Variants in NPAS3 observed in about 807,000 individuals in gnomAD.
NPAS3 encodes neuronal PAS domain protein 3, also known as neuronal PAS domain-containing protein 3.
Under a neutral mutation model 73.1 loss-of-function variants are expected in NPAS3, and 14 were observed. That is an observed-to-expected ratio of 0.19 (90% CI 0.13 to 0.30). NPAS3 has a LOEUF of 0.30. Ranked by LOEUF, NPAS3 falls within the 10% of genes least tolerant of loss-of-function variation. The probability of loss-of-function intolerance (pLI) is 1.00; values close to 1 mark genes in which losing one functional copy is unlikely to be tolerated. For synonymous variants in NPAS3, 620 were observed against 541.5 expected (o/e 1.14, Z -2.01); for missense variants, 1,096 against 1,250.0 (o/e 0.88, Z 1.86).
At chr14:33,257,716 C>T (rs902580415) in intron 3 of NPAS3, among the ~76,000 whole-genome samples, 2 of 152,146 alleles carry the variant, frequency 1.3e-5, no homozygotes, top group African/African-American at 4.8e-5. Flanking sequence ...TCACCATTAA[C>T]AGGTCACTCC....
At chr14:33,427,854 A>G (rs2048620226) in intron 4 of NPAS3, among the ~76,000 whole-genome samples, 1 of 152,074 alleles carries the variant, frequency 6.6e-6, no homozygotes, top group Non-Finnish European at 1.5e-5. Flanking sequence ...CTGTCAATAA[A>G]ATAGGTCATA....
chr14:33,778,720 A>G (rs1287366896), intron 9 of NPAS3, 148 bp downstream of exon 9: 7 of 618,630 alleles, frequency 1.1e-5, no homozygotes, highest in Non-Finnish European at 2.0e-5. Context: ...TGAGACATAA[A>G]TCATTTCAAC....
intron 2 of NPAS3, among the ~76,000 whole-genome samples, chr14:33,089,094 C>G (rs913609535): frequency 6.6e-6 from 1 of 151,596 alleles, no homozygotes; most frequent in African/African-American, 2.4e-5. Context: ...CAGAGTGCCT[C>G]TCCCCCTCCA....
chr14:33,353,231 T>C (rs17568736), intron 3 of NPAS3, among the ~76,000 whole-genome samples: 41,286 of 152,024 alleles, frequency 0.27, 5,971 homozygotes, highest in Admixed American at 0.37. Flanking sequence ...TTCTCTTTAT[T>C]GGCATAATCA....
intron 1 of NPAS3, among the ~76,000 whole-genome samples, chr14:33,020,078 A>G (rs753589398): frequency 1.8e-4 from 27 of 152,222 alleles, no homozygotes; most frequent in Admixed American, 9.8e-4. Flanking sequence ...TGTCAGTATT[A>G]TATTTTTCAA....
rs761032291 is a variant in NPAS3 at position 33,800,321 on chromosome 14, G to A, written c.2014G>A (p.Glu672Lys). Reference sequence around the variant, plus strand: ...CATCTGGAACTACCCGCCCAACCGGGAGATCTCCAGGAACGAGTCCCCCTA... The same window carrying A: ...CATCTGGAACTACCCGCCCAACCGGAAGATCTCCAGGAACGAGTCCCCCTA... The change falls in exon 12 of 12, where the codon GAG (glutamate) becomes AAG (lysine). Residue 672 changes from glutamate to lysine, a missense_variant. By Grantham distance (56) the Glu-to-Lys change is moderately conservative. This residue lies in a region of NPAS3 where 698 missense variants were observed against 676.7 expected (regional missense o/e 1.03). Transcript: ENST00000356141. The surrounding 1 kb of genome is among the most constrained non-coding windows in gnomAD (Gnocchi z 6.5). The A allele has an allele frequency of 2.5e-6, 4 of 1,613,346 alleles. No individual in the cohort carries two copies. The highest frequency in any genetic ancestry group is 1.1e-5 in the South Asian group (1 of 91,062).
At chr14:33,017,793 T>C (rs7152999) in intron 1 of NPAS3, among the ~76,000 whole-genome samples, 137,854 of 152,182 alleles carry the variant, frequency 0.91, 62,691 homozygotes, top group East Asian at 0.98. Context: ...GTGTTTTATA[T>C]GTGAAAAAAA....
intron 3 of NPAS3, among the ~76,000 whole-genome samples, chr14:33,366,633 T>C (rs561115297): frequency 2.0e-4 from 31 of 152,316 alleles, no homozygotes; most frequent in African/African-American, 7.5e-4. Context: ...CCAGCCATCT[T>C]AGGATGCTTA....
chr14:33,197,643 C>T (rs113207607), intron 2 of NPAS3, among the ~76,000 whole-genome samples: 2 of 152,308 alleles, frequency 1.3e-5, no homozygotes, highest in South Asian at 2.1e-4. Flanking sequence ...GATTCAGCTA[C>T]AGGAAAACAA....
intron 7 of NPAS3, among the ~76,000 whole-genome samples, chr14:33,737,848 A>G (rs2061561525): frequency 6.6e-6 from 1 of 152,192 alleles, no homozygotes; most frequent in South Asian, 2.1e-4. Context: ...AGAAACAGTG[A>G]TAATCATTTC....
At chr14:32,944,872 G>C (rs2036188107) in intron 1 of NPAS3, among the ~76,000 whole-genome samples, 1 of 152,208 alleles carries the variant, frequency 6.6e-6, no homozygotes, top group Admixed American at 6.5e-5. Context: ...TCTTGTATGT[G>C]AAATCAGGGG....
At chr14:33,212,498 C>T (rs2047076430) in intron 2 of NPAS3, among the ~76,000 whole-genome samples, 1 of 152,064 alleles carries the variant, frequency 6.6e-6, no homozygotes. Context: ...CTGACCAGTG[C>T]TATTTTAGAA....
intron 2 of NPAS3, among the ~76,000 whole-genome samples, chr14:33,197,214 G>T (rs1041059041): frequency 1.4e-5 from 2 of 145,684 alleles, no homozygotes; most frequent in South Asian, 2.2e-4. Flanking sequence ...TAGCATGTCT[G>T]CTCTGGGATG....
chr14:33,024,316 C>T (rs55972235), intron 1 of NPAS3, among the ~76,000 whole-genome samples: 13,439 of 151,838 alleles, frequency 0.089, 674 homozygotes, highest in Non-Finnish European at 0.12. Flanking sequence ...GGATTACAGG[C>T]GCCCACCACC....
chr14:33,559,670 A>G (rs1375463775), intron 4 of NPAS3, among the ~76,000 whole-genome samples: 1 of 152,238 alleles, frequency 6.6e-6, no homozygotes, highest in African/African-American at 2.4e-5. Flanking sequence ...GTTCATGTAT[A>G]ATGCAATATT....
At chr14:33,599,542 A>C (rs933713113) in intron 5 of NPAS3, among the ~76,000 whole-genome samples, 1 of 152,238 alleles carries the variant, frequency 6.6e-6, no homozygotes, top group Admixed American at 6.5e-5. Context: ...GGTTTCAGGC[A>C]ACAGATTTAA....
chr14:33,418,049 ATT>A lies in NPAS3; in HGVS notation c.468+50791_468+50792del, dbSNP rs35311275. 1.9e-4 allele frequency among the ~76,000 whole-genome samples: 29 copies of A among 150,256 alleles called. No individual in the cohort carries two copies. The East Asian group carries it at 2.2e-3, about 11-fold the overall frequency. ...AGATAATGAACAAAAGCAATGCAGGATTTTTTTTTTTCAGAAATCTAATTCTA... is the reference window on the plus strand; with the variant it reads ...AGATAATGAACAAAAGCAATGCAGGATTTTTTTTTCAGAAATCTAATTCTA... On this transcript the variant is annotated intron_variant, in intron 4 of 11. Transcript: ENST00000356141.
intron 6 of NPAS3, among the ~76,000 whole-genome samples, chr14:33,681,936 A>G (rs1193571987): frequency 6.6e-6 from 1 of 152,172 alleles, no homozygotes; most frequent in Non-Finnish European, 1.5e-5. Flanking sequence ...AAAATTCTGA[A>G]TACAAACAAA....
intron 4 of NPAS3, among the ~76,000 whole-genome samples, chr14:33,419,689 G>A (rs565898726): frequency 6.6e-6 from 1 of 151,972 alleles, no homozygotes; most frequent in Non-Finnish European, 1.5e-5. Flanking sequence ...CCTACTTTCT[G>A]GATAATTAGT....
Sources: allele counts gnomAD v4.1 joint callset (sites outside exome capture counted in the v4.1 genomes callset), GRCh38; gene constraint gnomAD v4.1.1; regional missense constraint gnomAD v4.1.1; non-coding constraint Gnocchi (gnomAD v3.1); transcripts MANE v1.5; gene names NCBI Gene and HGNC (gene_info 2026-07-23, HGNC 2026-07-21).